The following TBL1XR1 variants were observed in gnomAD, a reference collection of about 807,000 sequenced individuals.
TBL1XR1 encodes the protein TBL1X/Y related 1.
A neutral mutation model predicts 66.9 loss-of-function variants in TBL1XR1; 5 were observed. The observed-to-expected ratio is 0.07, with a 90% CI of 0.04 to 0.16. TBL1XR1 has a LOEUF of 0.16. TBL1XR1 is among the 10% of genes least tolerant of loss of function. TBL1XR1 has a pLI of 1.00. For missense variants in TBL1XR1, 238 were observed against 623.2 expected (o/e 0.38, Z 6.58); for synonymous variants, 210 against 206.0 (o/e 1.02, Z -0.17).
chr3:177,071,031 G>GTTTTTGTTTTTTTTTTTTT (rs1719916058), intron 2 of TBL1XR1, among the ~76,000 whole-genome samples: 2 of 104,716 alleles, frequency 1.9e-5, no homozygotes, highest in African/African-American at 7.7e-5. Context: ...CTGAGAATCT[G>GTTTTTGTTTTTTTTTTTTT]TTTTTTTTTT....
At chr3:177,153,167 G>A (rs1731096265) in intron 1 of TBL1XR1, among the ~76,000 whole-genome samples, 1 of 152,032 alleles carries the variant, frequency 6.6e-6, no homozygotes, top group South Asian at 2.1e-4. Context: ...AAGTGTTGAA[G>A]TAAAAAGATT....
intron 1 of TBL1XR1, among the ~76,000 whole-genome samples, chr3:177,177,446 T>C (rs757191854): frequency 7.9e-5 from 12 of 152,056 alleles, no homozygotes; most frequent in Non-Finnish European, 1.6e-4. Context: ...CAAGACTCCA[T>C]CTCAAAAAAA....
intron 1 of TBL1XR1, among the ~76,000 whole-genome samples, chr3:177,193,151 T>TC (rs1470023157): frequency 7.3e-5 from 11 of 151,234 alleles, no homozygotes; most frequent in African/African-American, 2.7e-4. Context: ...AAACTCCGTC[T>TC]CAAAAAAATA....
At chr3:177,081,371 T>C (rs1330844497) in intron 2 of TBL1XR1, among the ~76,000 whole-genome samples, 3 of 152,224 alleles carry the variant, frequency 2.0e-5, no homozygotes, top group Non-Finnish European at 2.9e-5. Flanking sequence ...TTTAGGGTTC[T>C]ATTTTGATCA....
chr3:177,070,729 C>T (rs1455711528), intron 2 of TBL1XR1, among the ~76,000 whole-genome samples: 1 of 151,972 alleles, frequency 6.6e-6, no homozygotes, highest in African/African-American at 2.4e-5. Flanking sequence ...GCCTGTAATC[C>T]CAGTTACTCA....
intron 1 of TBL1XR1, among the ~76,000 whole-genome samples, chr3:177,133,418 T>C (rs79919342): frequency 0.014 from 2,185 of 152,332 alleles, 56 homozygotes; most frequent in African/African-American, 0.05. Flanking sequence ...TCATTGCACA[T>C]TGCATCAAAG....
In TBL1XR1 at chr3:177,197,188, TCGCCGCCGC is replaced by T. The variant is rs540898707; in HGVS notation, c.-198_-190del. Reference sequence around the variant, plus strand: ...TGGAGGCACAAGGAAATTCCCCTCCTCGCCGCCGCCGCCACCGCCTCCAACCACCCCCAA... The same window carrying T: ...TGGAGGCACAAGGAAATTCCCCTCCTCGCCACCGCCTCCAACCACCCCCAA... On this transcript the variant is annotated 5_prime_UTR_variant, in exon 1 of 16. Transcript: ENST00000457928. The T allele has an allele frequency of 1.3e-5, 2 of 153,256 alleles. No homozygotes were observed. Among genetic ancestry groups the T allele is most frequent in the African/African-American group, 2.4e-5 (1 of 41,112 alleles). 9.5% of individuals were successfully genotyped at this position (153,256 alleles called of 1,614,324 possible).
chr3:177,074,919 G>A (rs1007730557), intron 2 of TBL1XR1, among the ~76,000 whole-genome samples: 16 of 152,134 alleles, frequency 1.1e-4, no homozygotes, highest in African/African-American at 3.9e-4. Context: ...CACGGTTTAG[G>A]AATTTGTGGT....
At chr3:177,051,187 GA>G (rs1318563370) in intron 5 of TBL1XR1, among the ~76,000 whole-genome samples, 1 of 152,054 alleles carries the variant, frequency 6.6e-6, no homozygotes, top group African/African-American at 2.4e-5. Flanking sequence ...ACAAGTTAGG[GA>G]AACAAGTTGG....
intron 1 of TBL1XR1, among the ~76,000 whole-genome samples, chr3:177,151,881 G>A (rs145613030): frequency 1.1e-4 from 17 of 152,214 alleles, no homozygotes; most frequent in Admixed American, 4.6e-4. Context: ...AAAATCAGCC[G>A]GGCGTGGTGG....
intron 1 of TBL1XR1, among the ~76,000 whole-genome samples, chr3:177,131,797 C>T (rs764875182): frequency 1.3e-5 from 2 of 151,914 alleles, no homozygotes; most frequent in Non-Finnish European, 2.9e-5. Context: ...CCACCATACC[C>T]GGCCCTGAAT....
intron 1 of TBL1XR1, among the ~76,000 whole-genome samples, chr3:177,190,460 C>T (rs1285386536): frequency 2.0e-5 from 3 of 152,112 alleles, no homozygotes; most frequent in Admixed American, 6.6e-5. Flanking sequence ...GGATTATAGG[C>T]GTGTGCCACC....
At position 177,063,389 on chromosome 3, in the gene TBL1XR1, T is replaced by C. The variant is rs546892929; in HGVS notation, c.58+1531A>G. Among the ~76,000 whole-genome samples, 3 of 152,338 alleles carry C rather than the reference T, an allele frequency of 2.0e-5. No homozygotes were observed. The South Asian group carries it at 6.2e-4, about 32-fold the overall frequency. ...TCAACCTAAATAGTTGTCTTTACCA[T>C]ACACCAACAAGCCTTTACAATATAT... On this transcript the variant is annotated intron_variant, in intron 3 of 15. Transcript: ENST00000457928.
At chr3:177,185,364 T>C (rs1037113726) in intron 1 of TBL1XR1, among the ~76,000 whole-genome samples, 2 of 152,196 alleles carry the variant, frequency 1.3e-5, no homozygotes, top group African/African-American at 4.8e-5. Flanking sequence ...ATTCCAGCAC[T>C]TTGGGAGGCC....
chr3:177,109,768 T>C (rs889782585), intron 1 of TBL1XR1, among the ~76,000 whole-genome samples: 1 of 151,956 alleles, frequency 6.6e-6, no homozygotes, highest in East Asian at 1.9e-4. Context: ...GATTCAGAAG[T>C]TGGGGGGAAG....
At chr3:177,040,648 TA>T (rs967317426) in intron 10 of TBL1XR1, among the ~76,000 whole-genome samples, 11 of 151,878 alleles carry the variant, frequency 7.2e-5, no homozygotes, top group African/African-American at 2.7e-4. Context: ...TTTTTTTTTT[TA>T]AAAGATAAAG....
At chr3:177,068,661 A>C (rs1719474396) in intron 2 of TBL1XR1, among the ~76,000 whole-genome samples, 1 of 152,194 alleles carries the variant, frequency 6.6e-6, no homozygotes, top group Non-Finnish European at 1.5e-5. Flanking sequence ...TCTCCTACAC[A>C]TCAAAGTACT....
intron 1 of TBL1XR1, among the ~76,000 whole-genome samples, chr3:177,166,518 T>C (rs1447229359): frequency 6.6e-6 from 1 of 152,134 alleles, no homozygotes; most frequent in African/African-American, 2.4e-5. Context: ...GCTTCCCCCA[T>C]GCTGTTCTGA....
At chr3:177,044,061 A>G (rs908024719) in intron 10 of TBL1XR1, among the ~76,000 whole-genome samples, 1 of 152,088 alleles carries the variant, frequency 6.6e-6, no homozygotes, top group Non-Finnish European at 1.5e-5. Context: ...TTTCCAGTCT[A>G]TGTTCTCTGC....
Sources: gnomAD v4.1 joint callset for allele counts (sites outside exome capture counted in the v4.1 genomes callset) on GRCh38, gnomAD v4.1.1 for gene constraint, MANE v1.5 for transcripts, NCBI Gene and HGNC (gene_info 2026-07-23, HGNC 2026-07-21) for gene names.